Variants in CDKAL1 observed in about 807,000 individuals in gnomAD.
CDKAL1 encodes the protein CDKAL1 threonylcarbamoyladenosine tRNA methylthiotransferase.
Under a neutral mutation model 68.2 loss-of-function variants are expected in CDKAL1, and 32 were observed. That is an observed-to-expected ratio of 0.47 (90% CI 0.35 to 0.63). CDKAL1 has a LOEUF of 0.63. Among genes scored for constraint, CDKAL1 ranks in the 30% least tolerant of loss-of-function variants. CDKAL1 has a pLI of 0.00. For missense variants in CDKAL1, 606 were observed against 696.7 expected (o/e 0.87, Z 1.47); for synonymous variants, 234 against 244.3 (o/e 0.96, Z 0.39).
Position 21,003,343 on chromosome 6 carries a change from A to AATATAT in CDKAL1, c.1055+2995_1055+3000dup, listed in dbSNP as rs71540608. ...CAACATGGTGAAACCATCTCTACTA[A>AATATAT]ATATATATATATATATATATATATA... is the stretch of plus-strand genomic sequence containing the variant. On this transcript the variant is annotated intron_variant, in intron 11 of 15. Transcript: ENST00000274695. 2.0e-3 allele frequency among the ~76,000 whole-genome samples: 81 copies of AATATAT among 40,406 alleles called. 5 individuals carry two copies. Among genetic ancestry groups the AATATAT allele is most frequent in the South Asian group, 4.2e-3 (5 of 1,184 alleles). 26.5% of individuals were successfully genotyped at this position (40,406 alleles called of 152,430 possible).
chr6:20,790,015 TG>T (rs1775831023), intron 8 of CDKAL1, among the ~76,000 whole-genome samples: 1 of 152,214 alleles, frequency 6.6e-6, no homozygotes, highest in Non-Finnish European at 1.5e-5. Context: ...AGGTTGGTCC[TG>T]AACTCCTGGC....
rs185847163 is a variant in CDKAL1 at position 20,767,875 on chromosome 6, T to G, written c.517+9232T>G. 8.1e-4 allele frequency among the ~76,000 whole-genome samples: 123 copies of G among 152,286 alleles called. 1 individual carries two copies. Among genetic ancestry groups the G allele is most frequent in the Non-Finnish European group, 2.6e-4 (18 of 68,016 alleles). On this transcript the variant is annotated intron_variant, in intron 7 of 15. Coordinates refer to ENST00000274695, the MANE Select transcript of CDKAL1 (RefSeq NM_017774.3). ...TGGAGAGACTAAATACCAATTTCAC[T>G]TATTAATTTGAGGGAGAGAAAACTC...
rs1269969544 is a variant in CDKAL1, at chr6:21,107,329, AG to A, written c.1237-1068del. Among the ~76,000 whole-genome samples the A allele has an allele frequency of 3.3e-5, 5 of 152,214 alleles. No individual in the cohort carries two copies. In the South Asian group the frequency reaches 6.2e-4, roughly 19 times the overall value. On this transcript the variant is annotated intron_variant, in intron 12 of 15. Transcript: ENST00000274695. Reference sequence around the variant, plus strand: ...GGTTGTCACAGATACACTAAGGAGCAGGGGATGGAGAGGGGACTCATGTAAT... The same window carrying A: ...GGTTGTCACAGATACACTAAGGAGCAGGGATGGAGAGGGGACTCATGTAAT...
intron 15 of CDKAL1, among the ~76,000 whole-genome samples, chr6:21,202,537 T>C (rs1461832122): frequency 6.6e-6 from 1 of 152,228 alleles, no homozygotes; most frequent in Non-Finnish European, 1.5e-5. Flanking sequence ...GAAGTCAGCT[T>C]ATTTTTTGTT....
At chr6:20,764,963 G>T (rs1461081499) in intron 7 of CDKAL1, among the ~76,000 whole-genome samples, 1 of 152,126 alleles carries the variant, frequency 6.6e-6, no homozygotes, top group African/African-American at 2.4e-5. Flanking sequence ...TCTCATCGGT[G>T]TAAGTAAATA....
At chr6:21,106,878 C>T (rs9358391) in intron 12 of CDKAL1, among the ~76,000 whole-genome samples, 36,363 of 150,976 alleles carry the variant, frequency 0.24, 4,566 homozygotes, top group South Asian at 0.33. Context: ...AGATTTGGAC[C>T]CATACACAAA....
chr6:20,759,889 G>A (rs1025518463), intron 7 of CDKAL1, among the ~76,000 whole-genome samples: 1 of 152,046 alleles, frequency 6.6e-6, no homozygotes, highest in East Asian at 1.9e-4. Flanking sequence ...TCTCACTTAA[G>A]TACTGTTTTG....
intron 11 of CDKAL1, among the ~76,000 whole-genome samples, chr6:21,062,084 T>C (rs1391664482): frequency 1.3e-5 from 2 of 152,214 alleles, no homozygotes; most frequent in Non-Finnish European, 2.9e-5. Context: ...AAGCAGGTGT[T>C]GCATAACAGT....
At chr6:20,584,486 C>T (rs991879747) in intron 4 of CDKAL1, among the ~76,000 whole-genome samples, 2 of 152,142 alleles carry the variant, frequency 1.3e-5, no homozygotes, top group Non-Finnish European at 1.5e-5. Context: ...CTGCCCCATC[C>T]GTGAGCAGTC....
chr6:20,692,558 A>AT (rs1770916836), intron 5 of CDKAL1, among the ~76,000 whole-genome samples: 1 of 152,172 alleles, frequency 6.6e-6, no homozygotes, highest in African/African-American at 2.4e-5. Context: ...GAACTCTGAA[A>AT]TTTTGTGATT....
At chr6:20,822,025 C>T (rs530024932) in intron 8 of CDKAL1, among the ~76,000 whole-genome samples, 35 of 152,214 alleles carry the variant, frequency 2.3e-4, no homozygotes, top group Middle Eastern at 6.8e-3. Context: ...GAACCATGCT[C>T]GTATGTTTAC....
intron 11 of CDKAL1, among the ~76,000 whole-genome samples, chr6:21,023,976 G>T (rs778310235): frequency 7.9e-5 from 12 of 152,182 alleles, no homozygotes; most frequent in Non-Finnish European, 1.5e-4. Flanking sequence ...CTTGGCTGAA[G>T]AAAGTTTCAT....
intron 5 of CDKAL1, among the ~76,000 whole-genome samples, chr6:20,677,727 T>G (rs1400255330): frequency 6.6e-6 from 1 of 152,224 alleles, no homozygotes; most frequent in Non-Finnish European, 1.5e-5. Context: ...GAGCTAAGTC[T>G]CTAATTTATC....
chr6:20,722,848 A>G (rs950193568), intron 5 of CDKAL1, among the ~76,000 whole-genome samples: 1 of 152,076 alleles, frequency 6.6e-6, no homozygotes, highest in African/African-American at 2.4e-5. Flanking sequence ...GGAGAGAGAG[A>G]CAGACAGCCA....
chr6:20,940,944 G>A (rs1290007187), intron 9 of CDKAL1, among the ~76,000 whole-genome samples: 1 of 152,010 alleles, frequency 6.6e-6, no homozygotes, highest in Non-Finnish European at 1.5e-5. Flanking sequence ...CAAAAAATTA[G>A]CCAGGCGTGG....
chr6:20,677,269 C>T (rs1359287577), intron 5 of CDKAL1, among the ~76,000 whole-genome samples: 1 of 151,944 alleles, frequency 6.6e-6, no homozygotes, highest in East Asian at 1.9e-4. Context: ...TGGGCTTTCA[C>T]CTGTTGTCCC....
At chr6:20,723,888 G>T (rs562654087) in intron 5 of CDKAL1, among the ~76,000 whole-genome samples, 1 of 152,284 alleles carries the variant, frequency 6.6e-6, no homozygotes, top group East Asian at 1.9e-4. Context: ...CACCATTCCA[G>T]ATTCTTATCT....
chr6:20,994,603 G>A (rs529920701), intron 10 of CDKAL1, among the ~76,000 whole-genome samples: 17 of 152,308 alleles, frequency 1.1e-4, no homozygotes, highest in African/African-American at 4.1e-4. Context: ...GCATACCTCA[G>A]AGATACTGCA....
At chr6:21,093,770 C>A (rs1433261421) in intron 12 of CDKAL1, among the ~76,000 whole-genome samples, 1 of 128,956 alleles carries the variant, frequency 7.8e-6, no homozygotes, top group African/African-American at 3.0e-5. Flanking sequence ...GGCTGGAGTG[C>A]AGTGGCACGA....
Sources: allele counts gnomAD v4.1 joint callset (sites outside exome capture counted in the v4.1 genomes callset), GRCh38; gene constraint gnomAD v4.1.1; transcripts MANE v1.5; gene names NCBI Gene and HGNC (gene_info 2026-07-23, HGNC 2026-07-21).